TNS1: variants seen among roughly 807,000 people sequenced by gnomAD.
The protein encoded by TNS1 is tensin-1.
A neutral mutation model predicts 168.6 loss-of-function variants in TNS1; 62 were observed. The observed-to-expected ratio is 0.37, with a 90% CI of 0.30 to 0.45. TNS1 has a LOEUF of 0.45. Among genes scored for constraint, TNS1 ranks in the 20% least tolerant of loss-of-function variants. The probability of loss-of-function intolerance (pLI) is 1.00; values close to 1 mark genes in which losing one functional copy is unlikely to be tolerated. For synonymous variants in TNS1, 934 were observed against 933.2 expected (o/e 1.00, Z -0.02); for missense variants, 2,240 against 2,339.4 (o/e 0.96, Z 0.88).
chr2:217,908,555 G>T (rs1047124901), intron 4 of TNS1, among the ~76,000 whole-genome samples: 2 of 152,190 alleles, frequency 1.3e-5, no homozygotes, highest in South Asian at 2.1e-4. Context: ...AAAGGCAGGG[G>T]AATGGACAGA....
rs143251763 is a variant in TNS1 at position 217,962,900 on chromosome 2, T to A, written c.186+15865A>T. 2.0e-4 allele frequency among the ~76,000 whole-genome samples: 30 copies of A among 152,302 alleles called. No individual in the cohort carries two copies. The East Asian group carries it at 3.3e-3, about 17-fold the overall frequency. Reference sequence around the variant, plus strand: ...GGTGGGAACACTGGCCAAATTCTACTACAATCCTCAGATTAACGTCAGATC... The same window carrying A: ...GGTGGGAACACTGGCCAAATTCTACAACAATCCTCAGATTAACGTCAGATC... On this transcript the variant is annotated intron_variant, in intron 3 of 32. Transcript: ENST00000682258.
At chr2:217,947,137 A>C (rs997571078) in intron 3 of TNS1, among the ~76,000 whole-genome samples, 1 of 151,220 alleles carries the variant, frequency 6.6e-6, no homozygotes, top group African/African-American at 2.4e-5. Context: ...AAGCCAACCC[A>C]TGCTCCTCTC....
Position 217,886,062 on chromosome 2 carries a change from A to C in TNS1, c.1022T>G (p.Val341Gly). ...TACTTACTAGATGCCAGATGTGTAC[A>C]CAGGTTGCATGGCCTGGTAGATGCG... ...FLRIYQAMQP[V>G]YTSGIYNIPG... Residue 341 changes from valine (V) to glycine (G), a missense_variant, in exon 14 of 33, where the codon GTG becomes GGG. Physicochemically the swap from Val to Gly is moderately radical, Grantham distance 109 (BLOSUM62 -3). Around this residue, in one of 2 missense-constraint regions of TNS1, gnomAD observed 2,131 missense variants for 2,171.2 expected, o/e 0.98. Transcript: ENST00000682258. 6.2e-7 allele frequency: 1 copy of C among 1,614,014 alleles called. No individual in the cohort carries two copies. Among genetic ancestry groups the C allele is most frequent in the Non-Finnish European group, 8.5e-7 (1 of 1,180,002 alleles).
intron 1 of TNS1, among the ~76,000 whole-genome samples, chr2:218,022,485 C>A (rs1185283178): frequency 6.6e-6 from 1 of 152,190 alleles, no homozygotes; most frequent in African/African-American, 2.4e-5. Flanking sequence ...GACACGCACA[C>A]ACGCACGTAC....
chr2:218,004,401 C>T (rs770443751), upstream of TNS1, among the ~76,000 whole-genome samples: 3 of 152,172 alleles, frequency 2.0e-5, no homozygotes, highest in Non-Finnish European at 4.4e-5. Flanking sequence ...CATGCCATGC[C>T]GCTGTCTGTC....
chr2:217,816,009 C>T (rs1941836321), intron 24 of TNS1, among the ~76,000 whole-genome samples: 1 of 152,158 alleles, frequency 6.6e-6, no homozygotes. Context: ...ACTCTGCAGA[C>T]CTTGGGAATT....
chr2:217,940,915 C>A lies in TNS1; in HGVS notation c.187-20679G>T, dbSNP rs145982544. On this transcript the variant is annotated intron_variant, in intron 3 of 32. Transcript: ENST00000682258. ...GCCCTCTCTGGTTCTCCTCTCACTG[C>A]CCACCTCAGGGAAAGCAGGTTTGGA... 2.0e-5 allele frequency among the ~76,000 whole-genome samples: 3 copies of A among 152,242 alleles called. No homozygotes were observed. The East Asian group carries it at 5.8e-4, about 30-fold the overall frequency.
chr2:217,834,613 T>C (rs1944911331), intron 21 of TNS1, among the ~76,000 whole-genome samples: 1 of 152,122 alleles, frequency 6.6e-6, no homozygotes, highest in Admixed American at 6.5e-5. Context: ...ATGGATGAGC[T>C]GGGGGCTCTG....
intron 3 of TNS1, among the ~76,000 whole-genome samples, chr2:217,952,020 C>T (rs1957255083): frequency 6.6e-6 from 1 of 152,258 alleles, no homozygotes; most frequent in South Asian, 2.1e-4. Context: ...TGAACACAGC[C>T]AGATGGGCCC....
At chr2:217,911,994 G>C (rs533354756) in intron 4 of TNS1, among the ~76,000 whole-genome samples, 1 of 152,222 alleles carries the variant, frequency 6.6e-6, no homozygotes, top group South Asian at 2.1e-4. Flanking sequence ...TCGAGGGGTC[G>C]GGAACCACAG....
At chr2:217,951,669 C>A (rs1054236825) in intron 3 of TNS1, among the ~76,000 whole-genome samples, 1 of 152,182 alleles carries the variant, frequency 6.6e-6, no homozygotes, top group African/African-American at 2.4e-5. Flanking sequence ...AGGGCTCACT[C>A]CCCATCCTCA....
chr2:217,849,495 T>C (rs11902267), intron 18 of TNS1, among the ~76,000 whole-genome samples: 66,468 of 152,176 alleles, frequency 0.44, 15,587 homozygotes, highest in African/African-American at 0.63. Flanking sequence ...ATTCATTAAA[T>C]ACACTGTGCT....
At chr2:217,993,888 C>T (rs183192465) in intron 1 of TNS1, among the ~76,000 whole-genome samples, 5 of 152,282 alleles carry the variant, frequency 3.3e-5, no homozygotes, top group African/African-American at 1.2e-4. Flanking sequence ...CTGGAGGGGA[C>T]AAATGTTCTT....
At position 217,818,010 on chromosome 2, in the gene TNS1, G is replaced by T. The variant is rs752456483; in HGVS notation, c.4322C>A (p.Ser1441Tyr). 8.8e-6 allele frequency: 14 copies of T among 1,597,800 alleles called. No individual in the cohort carries two copies. The highest frequency in any genetic ancestry group is 1.2e-5 in the Non-Finnish European group (14 of 1,172,154). Residue 1441 changes from serine to tyrosine, a missense_variant, in exon 24 of 33, where the codon TCC becomes TAC. Transcript: ENST00000682258. ...GTAGCCAGAGGCACTGCTCTGCCGG[G>T]ACAGTGTGGGTCTCCGATCCTCCGG... is the stretch of plus-strand genomic sequence containing the variant. ...STPEDRRPTL[S>Y]RQSSASGYQA...
chr2:217,879,388 G>C, intron 18 of TNS1: 1 of 451,740 alleles, frequency 2.2e-6, no homozygotes, highest in Non-Finnish European at 4.4e-6. Flanking sequence ...GAACAAATTC[G>C]CTCCAGCCTC....
chr2:217,917,307 C>G (rs1955126691), intron 4 of TNS1, among the ~76,000 whole-genome samples: 1 of 152,178 alleles, frequency 6.6e-6, no homozygotes, highest in Non-Finnish European at 1.5e-5. Context: ...ATTCAAGAAA[C>G]ATATATAGAG....
chr2:217,831,317 A>C, intron 22 of TNS1, 138 bp downstream of exon 22: 1 of 651,770 alleles, frequency 1.5e-6, no homozygotes, highest in East Asian at 3.3e-5. Context: ...CTACACAGAG[A>C]GCCCCAACCC....
chr2:217,878,211 AC>A (rs1399635244), intron 18 of TNS1, among the ~76,000 whole-genome samples: 1 of 151,756 alleles, frequency 6.6e-6, no homozygotes, highest in Non-Finnish European at 1.5e-5. Context: ...GCTCCAGCAC[AC>A]CCCCCTCGCC....
At chr2:218,002,789 GGC>G in intron 1 of TNS1, 49 bp downstream of exon 1, 1 of 456,458 alleles carries the variant, frequency 2.2e-6, no homozygotes, top group South Asian at 1.5e-5. Context: ...GCCGGTGGGG[GGC>G]GGGGGGTTTG....
Sources: gnomAD v4.1 joint callset for allele counts (sites outside exome capture counted in the v4.1 genomes callset) on GRCh38, gnomAD v4.1.1 for gene constraint, gnomAD v4.1.1 regional missense constraint, MANE v1.5 for transcripts, NCBI Gene and HGNC (gene_info 2026-07-23, HGNC 2026-07-21) for gene names.